Variants in PLEKHA5 observed in about 807,000 individuals in gnomAD.
The protein encoded by PLEKHA5 is pleckstrin homology domain-containing family A member 5.
Under a neutral mutation model 181.9 loss-of-function variants are expected in PLEKHA5, and 55 were observed. The ratio of observed to expected loss-of-function variants is 0.30; its 90% CI spans 0.24 to 0.38. PLEKHA5 has a LOEUF of 0.38. Among genes scored for constraint, PLEKHA5 ranks in the 10% least tolerant of loss-of-function variants. The probability of loss-of-function intolerance (pLI) is 1.00; values close to 1 mark genes in which losing one functional copy is unlikely to be tolerated. For synonymous variants in PLEKHA5, 535 were observed against 529.4 expected, an observed-to-expected ratio of 1.01 and a Z score of -0.15; for missense variants, 1,432 against 1,549.5, an observed-to-expected ratio of 0.92 and a Z score of 1.27.
chr12:19,315,433 T>C (rs1239176684), intron 16 of PLEKHA5, among the ~76,000 whole-genome samples: 1 of 152,166 alleles, frequency 6.6e-6, no homozygotes, highest in East Asian at 1.9e-4. Flanking sequence ...ATTCTTACCA[T>C]TCTCAAGCAG....
chr12:19,226,149 TGGA>T (rs1252896382), intron 3 of PLEKHA5, among the ~76,000 whole-genome samples: 1 of 152,198 alleles, frequency 6.6e-6, no homozygotes, highest in Non-Finnish European at 1.5e-5. Flanking sequence ...TCTGTCTCTA[TGGA>T]TTTACTATTT....
intron 6 of PLEKHA5, among the ~76,000 whole-genome samples, chr12:19,258,426 A>G (rs1168961272): frequency 6.6e-6 from 1 of 152,270 alleles, no homozygotes. Flanking sequence ...GATTGCTTTC[A>G]GGTGACCTAA....
chr12:19,142,577 A>G (rs1310251866), intron 3 of PLEKHA5, among the ~76,000 whole-genome samples: 5 of 152,212 alleles, frequency 3.3e-5, no homozygotes, highest in African/African-American at 4.8e-5. Flanking sequence ...CTATCACAAT[A>G]TAGATGTAGT....
At chr12:19,239,796 T>C (rs1012368939) in intron 3 of PLEKHA5, among the ~76,000 whole-genome samples, 1 of 152,228 alleles carries the variant, frequency 6.6e-6, no homozygotes, top group Non-Finnish European at 1.5e-5. Context: ...TCAATTCAAA[T>C]GGTAGCCACT....
At chr12:19,216,756 A>G (rs2058049614) in intron 3 of PLEKHA5, among the ~76,000 whole-genome samples, 1 of 151,992 alleles carries the variant, frequency 6.6e-6, no homozygotes, top group African/African-American at 2.4e-5. Flanking sequence ...CGTTATTAGG[A>G]CAGGGAGAAA....
chr12:19,155,755 A>T (rs2041536590), intron 3 of PLEKHA5, among the ~76,000 whole-genome samples: 1 of 152,236 alleles, frequency 6.6e-6, no homozygotes, highest in South Asian at 2.1e-4. Context: ...CTCATAATAA[A>T]TCAAACACAT....
At chr12:19,289,513 G>A (rs1300072232) in intron 13 of PLEKHA5, among the ~76,000 whole-genome samples, 2 of 152,178 alleles carry the variant, frequency 1.3e-5, no homozygotes, top group Non-Finnish European at 2.9e-5. Context: ...AGTGAGGAAA[G>A]CCTGTAGCCT....
intron 21 of PLEKHA5, among the ~76,000 whole-genome samples, chr12:19,338,992 A>T (rs1351848599): frequency 6.6e-6 from 1 of 152,108 alleles, no homozygotes; most frequent in Non-Finnish European, 1.5e-5. Context: ...CTTTCTGTAA[A>T]AGGCCAGATC....
At chr12:19,320,683 T>C in intron 18 of PLEKHA5, 59 bp downstream of exon 18, 2 of 777,156 alleles carry the variant, frequency 2.6e-6, no homozygotes, top group Admixed American at 2.5e-5. Context: ...CCAAAAACAC[T>C]GGAAATAAGC....
chr12:19,181,426 A>G (rs1331577690), intron 3 of PLEKHA5, among the ~76,000 whole-genome samples: 2 of 152,226 alleles, frequency 1.3e-5, no homozygotes, highest in Admixed American at 1.3e-4. Flanking sequence ...AATATAGTAA[A>G]AGGTGATGCT....
chr12:19,255,884 GAA>G (rs60570882), intron 5 of PLEKHA5, among the ~76,000 whole-genome samples: 3 of 91,910 alleles, frequency 3.3e-5, no homozygotes, highest in Non-Finnish European at 6.9e-5. Flanking sequence ...TGGAAGATTT[GAA>G]AAAAAAAAAA....
At chr12:19,142,962 G>A (rs2037843935) in intron 3 of PLEKHA5, among the ~76,000 whole-genome samples, 1 of 152,042 alleles carries the variant, frequency 6.6e-6, no homozygotes, top group Non-Finnish European at 1.5e-5. Flanking sequence ...CAAAAGGCAA[G>A]GTCTCATTTT....
intron 3 of PLEKHA5, among the ~76,000 whole-genome samples, chr12:19,183,375 C>G (rs984934383): frequency 1.3e-5 from 2 of 152,160 alleles, no homozygotes; most frequent in African/African-American, 4.8e-5. Context: ...TTCATGAGCA[C>G]CAAATGTGCT....
intron 11 of PLEKHA5, among the ~76,000 whole-genome samples, chr12:19,277,605 T>A (rs906796732): frequency 2.0e-5 from 3 of 152,178 alleles, no homozygotes; most frequent in Non-Finnish European, 4.4e-5. Context: ...TGAGTCCACT[T>A]TGGATCATAA....
At chr12:19,269,978 A>T in intron 9 of PLEKHA5, 93 bp downstream of exon 9, 1 of 697,696 alleles carries the variant, frequency 1.4e-6, no homozygotes, top group Non-Finnish European at 2.4e-6. Flanking sequence ...TATCATTTTA[A>T]TAGTCATGGT....
chr12:19,351,058 G>C (rs1023569223), intron 25 of PLEKHA5, among the ~76,000 whole-genome samples: 1 of 145,704 alleles, frequency 6.9e-6, no homozygotes, highest in Admixed American at 7.2e-5. Context: ...TCCTCTGCCT[G>C]CCAAGTAGCT....
At chr12:19,317,921 CTTTTTTTT>C (rs71064082) in intron 16 of PLEKHA5, among the ~76,000 whole-genome samples, 1 of 67,514 alleles carries the variant, frequency 1.5e-5, no homozygotes, top group African/African-American at 5.9e-5. Context: ...CAAACCAAAC[CTTTTTTTT>C]TTTTTTTTTT....
At chr12:19,306,582 C>CGCTACT in intron 15 of PLEKHA5, 1 of 806,946 alleles carries the variant, frequency 1.2e-6, no homozygotes, top group South Asian at 1.3e-5. Context: ...ACTGCGGATC[C>CGCTACT]GGGCCCTAGC....
chr12:19,167,278 T>C (rs1032635105), intron 3 of PLEKHA5, among the ~76,000 whole-genome samples: 1 of 152,168 alleles, frequency 6.6e-6, no homozygotes, highest in Non-Finnish European at 1.5e-5. Flanking sequence ...AGCCTACTTA[T>C]ATGATATATA....
Sources: allele counts gnomAD v4.1 joint callset (sites outside exome capture counted in the v4.1 genomes callset), GRCh38; gene constraint gnomAD v4.1.1; transcripts MANE v1.5; gene names NCBI Gene and HGNC (gene_info 2026-07-23, HGNC 2026-07-21).